The following CADM2 variants were observed in gnomAD, a reference collection of about 807,000 sequenced individuals.
CADM2 encodes cell adhesion molecule 2, also known as immunoglobulin superfamily member 4D.
In CADM2, 12 loss-of-function variants were observed where a neutral mutation model predicts 49.8. The observed-to-expected ratio is 0.24, with a 90% CI of 0.15 to 0.39. The LOEUF (loss-of-function observed/expected upper bound fraction) is 0.39, where lower values mean the gene tolerates loss of function less well. Ranked by LOEUF, CADM2 falls within the 10% of genes least tolerant of loss-of-function variation. The pLI, the probability that CADM2 is intolerant of heterozygous loss-of-function variation, is 1.00. For missense variants in CADM2, 378 were observed against 492.3 expected (o/e 0.77, Z 2.20); for synonymous variants, 214 against 175.4 (o/e 1.22, Z -1.74).
chr3:85,293,042 G>A (rs2043847940), intron 1 of CADM2, among the ~76,000 whole-genome samples: 1 of 152,036 alleles, frequency 6.6e-6, no homozygotes, highest in Non-Finnish European at 1.5e-5. Context: ...TAGACCGCTA[G>A]CAAGACTAAG....
intron 1 of CADM2, among the ~76,000 whole-genome samples, chr3:85,101,742 T>C (rs1453862615): frequency 6.6e-6 from 1 of 152,246 alleles, no homozygotes; most frequent in East Asian, 1.9e-4. Flanking sequence ...GTAGAGTTAC[T>C]GAGTTTTCAT....
intron 2 of CADM2, among the ~76,000 whole-genome samples, chr3:85,799,430 T>A (rs989358464): frequency 7.2e-5 from 11 of 152,186 alleles, no homozygotes; most frequent in Non-Finnish European, 1.5e-4. Flanking sequence ...CTCTTATTAT[T>A]TTGAAATATG....
chr3:85,630,747 A>G (rs2107520913), intron 1 of CADM2, among the ~76,000 whole-genome samples: 1 of 152,136 alleles, frequency 6.6e-6, no homozygotes, highest in East Asian at 1.9e-4. Context: ...TAGATTTACT[A>G]AGAAAGAAAA....
intron 1 of CADM2, among the ~76,000 whole-genome samples, chr3:85,301,878 G>T (rs763237623): frequency 1.5e-4 from 23 of 151,996 alleles, no homozygotes; most frequent in Admixed American, 2.6e-4. Context: ...TAACATTTCT[G>T]ATTAGACTTC....
At chr3:85,160,413 C>G (rs2040283977) in intron 1 of CADM2, among the ~76,000 whole-genome samples, 1 of 152,130 alleles carries the variant, frequency 6.6e-6, no homozygotes. Context: ...TAGCTCTTAA[C>G]TTTTCCCACT....
chr3:86,062,896 A>T (rs1295807185), intron 8 of CADM2, among the ~76,000 whole-genome samples: 1 of 151,556 alleles, frequency 6.6e-6, no homozygotes, highest in African/African-American at 2.4e-5. Context: ...TCCTGAGATC[A>T]CTCAGGAGGC....
At chr3:85,301,430 A>G (rs2044098206) in intron 1 of CADM2, among the ~76,000 whole-genome samples, 1 of 152,090 alleles carries the variant, frequency 6.6e-6, no homozygotes, top group African/African-American at 2.4e-5. Context: ...TTTCAAGTTC[A>G]ATATTTTCTT....
intron 1 of CADM2, among the ~76,000 whole-genome samples, chr3:85,285,192 T>C (rs567849384): frequency 3.9e-5 from 6 of 152,240 alleles, no homozygotes; most frequent in African/African-American, 1.4e-4. Context: ...TTGAGATGCC[T>C]ATTCCACACC....
At chr3:85,029,777 A>C (rs916894787) in intron 1 of CADM2, among the ~76,000 whole-genome samples, 2 of 152,178 alleles carry the variant, frequency 1.3e-5, no homozygotes, top group African/African-American at 2.4e-5. Context: ...TTGCTCTCTG[A>C]AAATCTTCTA....
At chr3:85,882,292 G>C (rs1235980395) in intron 3 of CADM2, among the ~76,000 whole-genome samples, 1 of 152,076 alleles carries the variant, frequency 6.6e-6, no homozygotes, top group African/African-American at 2.4e-5. Flanking sequence ...GCTGTTTGCT[G>C]TTAGTAAGGC....
At chr3:85,926,521 T>C (rs1361056837) in intron 6 of CADM2, among the ~76,000 whole-genome samples, 1 of 152,212 alleles carries the variant, frequency 6.6e-6, no homozygotes, top group Admixed American at 6.5e-5. Context: ...GATCTTTATA[T>C]GAGTGTTACC....
chr3:85,732,613 C>A (rs556386084), intron 2 of CADM2, among the ~76,000 whole-genome samples: 1 of 152,210 alleles, frequency 6.6e-6, no homozygotes, highest in Non-Finnish European at 1.5e-5. Flanking sequence ...TATATTACTG[C>A]AGCTTTTTTC....
At chr3:85,756,347 A>G (rs983005761) in intron 2 of CADM2, among the ~76,000 whole-genome samples, 2 of 152,104 alleles carry the variant, frequency 1.3e-5, no homozygotes, top group African/African-American at 4.8e-5. Flanking sequence ...ATGGTCTTGG[A>G]CCAAATTAGG....
chr3:85,384,687 G>T (rs971625394), intron 1 of CADM2, among the ~76,000 whole-genome samples: 2 of 151,796 alleles, frequency 1.3e-5, no homozygotes, highest in African/African-American at 4.8e-5. Context: ...GTGTGTGTGT[G>T]TGTGTGAGTG....
intron 3 of CADM2, among the ~76,000 whole-genome samples, chr3:85,830,040 T>C (rs983612356): frequency 2.0e-5 from 3 of 151,988 alleles, no homozygotes; most frequent in Non-Finnish European, 1.5e-5. Context: ...AAAAGTAAGA[T>C]TGCTGACCCA....
intron 1 of CADM2, among the ~76,000 whole-genome samples, chr3:85,365,749 A>T (rs908087545): frequency 2.0e-5 from 3 of 152,212 alleles, no homozygotes; most frequent in Non-Finnish European, 4.4e-5. Flanking sequence ...ACAGACCTGA[A>T]TATCCACTAA....
intron 7 of CADM2, among the ~76,000 whole-genome samples, chr3:85,944,127 C>T (rs970557970): frequency 2.0e-5 from 3 of 151,974 alleles, no homozygotes; most frequent in Non-Finnish European, 2.9e-5. Context: ...CAATCTTAGT[C>T]TCTGATAAAA....
chr3:85,595,303 AT>A (rs1360268824), intron 1 of CADM2, among the ~76,000 whole-genome samples: 17 of 152,002 alleles, frequency 1.1e-4, no homozygotes, highest in African/African-American at 3.1e-4. Context: ...ACAGTAGAAT[AT>A]CCACTGGCCT....
At chr3:85,579,431 T>C (rs113969232) in intron 1 of CADM2, among the ~76,000 whole-genome samples, 4,496 of 152,236 alleles carry the variant, frequency 0.03, 104 homozygotes, top group Middle Eastern at 0.065. Context: ...AGCATCCTAA[T>C]GGGTCTTTGT....
Sources: gnomAD v4.1 joint callset for allele counts (sites outside exome capture counted in the v4.1 genomes callset) on GRCh38, gnomAD v4.1.1 for gene constraint, MANE v1.5 for transcripts, NCBI Gene and HGNC (gene_info 2026-07-23, HGNC 2026-07-21) for gene names.